TESPA1: variants seen among roughly 807,000 people sequenced by gnomAD.
TESPA1 encodes the protein thymocyte expressed, positive selection associated 1, also known as protein TESPA1.
Under a neutral mutation model 57.9 loss-of-function variants are expected in TESPA1, and 33 were observed. The ratio of observed to expected loss-of-function variants is 0.57; its 90% confidence interval spans 0.43 to 0.76. TESPA1 has a LOEUF of 0.76. TESPA1 is among the 30% of genes least tolerant of loss of function. TESPA1 has a pLI of 0.00. For missense variants in TESPA1, 618 were observed against 632.9 expected (o/e 0.98, Z 0.25); for synonymous variants, 227 against 228.9 (o/e 0.99, Z 0.07).
At chr12:54,967,963 C>A (rs767531570) in intron 3 of TESPA1, 71 bp from the exon 4 acceptor site, 25 of 1,605,306 alleles carry the variant, frequency 1.6e-5, no homozygotes, top group Non-Finnish European at 2.0e-5. Flanking sequence ...CATGGAAAAA[C>A]TCACACATAT....
intron 3 of TESPA1, among the ~76,000 whole-genome samples, chr12:54,970,186 C>A (rs183023251): frequency 3.3e-5 from 5 of 152,164 alleles, no homozygotes; most frequent in African/African-American, 1.2e-4. Context: ...AATCCTCCTG[C>A]CTTGGGCTCC....
chr12:54,953,031 C>T (rs1221378685), intron 10 of TESPA1, among the ~76,000 whole-genome samples: 3 of 152,064 alleles, frequency 2.0e-5, no homozygotes, highest in Non-Finnish European at 4.4e-5. Context: ...TCTATTCCCA[C>T]TGCCTTCAGC....
intron 3 of TESPA1, chr12:54,968,157 A>G: frequency 1.5e-6 from 1 of 667,316 alleles, no homozygotes; most frequent in South Asian, 1.9e-5. Context: ...ACGAAAGTCA[A>G]CTTAACAATG....
chr12:54,954,540 TCA>T (rs1950615553), intron 10 of TESPA1, among the ~76,000 whole-genome samples: 1 of 152,156 alleles, frequency 6.6e-6, no homozygotes, highest in African/African-American at 2.4e-5. Context: ...GCACACAACA[TCA>T]GGTGTCAACA....
In TESPA1 at chr12:54,973,445, A is replaced by G. The variant is rs140852027; in HGVS notation, c.206+32T>C. ...CTGTTAGCAAATTCAACCATCAGCC[A>G]CATACCACCCCATTGCCTGTCCAGC... On this transcript the variant is annotated intron_variant, in intron 3 of 10. Coordinates refer to ENST00000449076, the MANE Select transcript of TESPA1 (RefSeq NM_001136030.3). The G allele has an allele frequency of 1.3e-4, 203 of 1,613,948 alleles. 3 individuals carry two copies. In the African/African-American group the frequency reaches 2.4e-3, roughly 19 times the overall value.
intron 10 of TESPA1, among the ~76,000 whole-genome samples, chr12:54,953,599 G>C (rs556285144): frequency 6.7e-6 from 1 of 148,282 alleles, no homozygotes; most frequent in Non-Finnish European, 1.5e-5. Context: ...CTCACTGCAA[G>C]CTCCGCCTCC....
At chr12:54,981,594 T>C (rs2136217708) in intron 1 of TESPA1, among the ~76,000 whole-genome samples, 1 of 152,238 alleles carries the variant, frequency 6.6e-6, no homozygotes, top group Admixed American at 6.5e-5. Context: ...AAAGTCTTTC[T>C]TTCTTACCTA....
At chr12:54,975,497 AG>A (rs1284885914) in intron 1 of TESPA1, among the ~76,000 whole-genome samples, 2 of 152,132 alleles carry the variant, frequency 1.3e-5, no homozygotes, top group African/African-American at 2.4e-5. Context: ...AGCTTAAAAA[AG>A]CTTGAAGCTA....
chr12:54,974,576 ACTTCAGGGCCTCCC>A lies in TESPA1; in HGVS notation c.-28_-15del. On this transcript the variant is annotated 5_prime_UTR_variant, in exon 2 of 11. An upstream open reading frame in the 5' UTR loses its in-frame stop. Coordinates refer to ENST00000449076, the MANE Select transcript of TESPA1 (RefSeq NM_001136030.3). Reference sequence around the variant, plus strand: ...AGAGGCCTCCATGGCCCTGGCTCAGACTTCAGGGCCTCCCGTAACAGTAATGCCGTCCTAAGAGT... The same window carrying A: ...AGAGGCCTCCATGGCCCTGGCTCAGAGTAACAGTAATGCCGTCCTAAGAGT... The A allele has an allele frequency of 6.5e-7, 1 of 1,546,674 alleles. No individual in the cohort carries two copies. The highest frequency in any genetic ancestry group is 2.0e-5 in the Admixed American group (1 of 49,720).
chr12:54,973,325 C>T (rs922241439), intron 3 of TESPA1, among the ~76,000 whole-genome samples, 152 bp downstream of exon 3: 10 of 152,160 alleles, frequency 6.6e-5, no homozygotes, highest in South Asian at 2.1e-4. Context: ...ACCCTAAACC[C>T]GCAACACCCC....
rs1475074835 is a variant in TESPA1, at chr12:54,949,696, TAGG to T, written c.*693_*695del. The stretch of plus-strand genomic sequence containing the variant: ...TAGCATTTTTTCCCCCCACAATGGC[TAGG>T]AGAAGAGACTCTGAATCCTACTTAT... On this transcript the variant is annotated 3_prime_UTR_variant, in exon 11 of 11. Transcript: ENST00000449076. 2.0e-5 allele frequency: 3 copies of T among 152,576 alleles called. No individual in the cohort carries two copies. Among genetic ancestry groups the T allele is most frequent in the Non-Finnish European group, 4.4e-5 (3 of 68,038 alleles). The allele number at this position is 152,576 out of a possible 1,614,324, so 9.5% of individuals were successfully genotyped here. A position where few individuals can be genotyped will look rare whatever the true frequency, so the allele number is the denominator to read the frequency against.
chr12:54,969,988 G>A (rs1951726457), intron 3 of TESPA1, among the ~76,000 whole-genome samples: 2 of 152,210 alleles, frequency 1.3e-5, no homozygotes, highest in Non-Finnish European at 2.9e-5. Context: ...TTGGAGCACA[G>A]TGAGAATAGC....
rs936076668 is a variant in TESPA1, at chr12:54,966,075, C to G, written c.424G>C (p.Gly142Arg). The G allele has an allele frequency of 2.5e-6, 4 of 1,576,586 alleles. No homozygotes were observed. In the African/African-American group the frequency reaches 5.4e-5, roughly 21 times the overall value. Residue 142 changes from glycine to arginine, a missense_variant, in exon 7 of 11, where the codon GGG (glycine) becomes CGG (arginine). Gly to Arg is a moderately radical substitution (Grantham distance 125). Coordinates refer to ENST00000449076, the MANE Select transcript of TESPA1 (RefSeq NM_001136030.3). ...CSLASSSMTG[G>R]TNKTSSSISE... ...TACCTTGAACTAGTCTTGTTGGTCCCCCCAGTCATGCTGCTGGAAGCCAAA... is the reference window on the plus strand; with the variant it reads ...TACCTTGAACTAGTCTTGTTGGTCCGCCCAGTCATGCTGCTGGAAGCCAAA...
chr12:54,950,980 C>T (rs960983), intron 10 of TESPA1, among the ~76,000 whole-genome samples: 27,526 of 151,776 alleles, frequency 0.18, 4,025 homozygotes, highest in East Asian at 0.68. Context: ...AGAGAAATAT[C>T]TGTCACACTA....
chr12:54,975,704 A>AATAAAAT (rs1244957586), intron 1 of TESPA1, among the ~76,000 whole-genome samples: 1 of 152,026 alleles, frequency 6.6e-6, no homozygotes, highest in African/African-American at 2.4e-5. Flanking sequence ...AATAAAATAA[A>AATAAAAT]ATAAAATAAA....
intron 10 of TESPA1, among the ~76,000 whole-genome samples, chr12:54,957,806 C>G (rs988490550): frequency 1.3e-5 from 2 of 152,132 alleles, no homozygotes; most frequent in African/African-American, 2.4e-5. Context: ...TGATCATAAA[C>G]CATTTTTTGT....
intron 1 of TESPA1, among the ~76,000 whole-genome samples, chr12:54,978,008 G>GTT (rs112372429): frequency 0.01 from 1,531 of 147,578 alleles, 15 homozygotes; most frequent in Non-Finnish European, 0.017. Context: ...ACAAGAAACC[G>GTT]TTTTTTTTTT....
At chr12:54,976,377 C>T (rs539444946) in intron 1 of TESPA1, among the ~76,000 whole-genome samples, 2 of 152,174 alleles carry the variant, frequency 1.3e-5, no homozygotes, top group South Asian at 2.1e-4. Context: ...TCACAAAGGC[C>T]GACTTGTCTA....
At chr12:54,978,174 A>G (rs1396977020) in intron 1 of TESPA1, among the ~76,000 whole-genome samples, 1 of 152,236 alleles carries the variant, frequency 6.6e-6, no homozygotes, top group Admixed American at 6.5e-5. Context: ...AGAGACAAAG[A>G]TATGGAGATG....
Sources: allele counts gnomAD v4.1 joint callset (sites outside exome capture counted in the v4.1 genomes callset), GRCh38; gene constraint gnomAD v4.1.1; transcripts MANE v1.5; gene names NCBI Gene and HGNC (gene_info 2026-07-23, HGNC 2026-07-21).